APOO: variants seen among roughly 807,000 people sequenced by gnomAD.
The protein encoded by APOO is MICOS complex subunit MIC26.
Under a neutral mutation model 23.1 loss-of-function variants are expected in APOO, and 11 were observed. The observed-to-expected ratio is 0.48, with a 90% CI of 0.30 to 0.79. The LOEUF (loss-of-function observed/expected upper bound fraction) is 0.79, where lower values mean the gene tolerates loss of function less well. Among genes scored for constraint, APOO ranks in the 30% least tolerant of loss-of-function variants. APOO has a pLI of 0.07. For synonymous variants in APOO, 59 were observed against 54.8 expected (o/e 1.08, Z -0.34); for missense variants, 160 against 142.7 (o/e 1.12, Z -0.62).
intron 8 of APOO, 61 bp downstream of exon 8, chrX:23,840,249 AAAC>A: frequency 1.6e-6 from 1 of 642,713 alleles, no homozygotes. Flanking sequence ...AATTAATTAA[AAAC>A]AAGTCATTTC....
Position 23,849,270 on chromosome X carries a change from TG to T in APOO, c.561+7031del, listed in dbSNP as rs750069610. On this transcript the variant is annotated intron_variant, in intron 7 of 8. Transcript: ENST00000379226. ...CCATTTCTATCCCCCAAAGATTCAA[TG>T]GGTCTAGGCATTGAGCATCTACAGC... Among the ~76,000 whole-genome samples, 4 of 108,258 alleles carry T rather than the reference TG, an allele frequency of 3.7e-5. No individual in the cohort carries two copies. In the East Asian group the frequency reaches 1.2e-3, roughly 32 times the overall value. 94.0% of individuals were successfully genotyped at this position (108,258 alleles called of 115,157 possible).
At chrX:23,846,029 G>A (rs952984337) in intron 7 of APOO, among the ~76,000 whole-genome samples, 1 of 111,981 alleles carries the variant, frequency 8.9e-6, no homozygotes, top group East Asian at 2.8e-4. Context: ...TCTAAGCTGG[G>A]TGCGGTGGCT....
intron 7 of APOO, among the ~76,000 whole-genome samples, chrX:23,841,319 G>A (rs2146965700): frequency 9.1e-6 from 1 of 109,389 alleles, no homozygotes; most frequent in Non-Finnish European, 1.9e-5. Flanking sequence ...TTTTATACCC[G>A]TTGTCCCAAC....
At chrX:23,902,793 T>C (rs1325202474) in intron 1 of APOO, among the ~76,000 whole-genome samples, 1 of 111,543 alleles carries the variant, frequency 9.0e-6, no homozygotes, top group Non-Finnish European at 1.9e-5. Flanking sequence ...TACTATTAAC[T>C]CCTTTGCCCT....
chrX:23,865,303 C>T (rs547668260), intron 5 of APOO, among the ~76,000 whole-genome samples: 3 of 110,976 alleles, frequency 2.7e-5, no homozygotes, highest in African/African-American at 9.8e-5. Flanking sequence ...TTAGCAGATA[C>T]GCTCAAGAAA....
At chrX:23,896,915 T>C (rs1167513397) in intron 1 of APOO, among the ~76,000 whole-genome samples, 1 of 109,945 alleles carries the variant, frequency 9.1e-6, no homozygotes, top group African/African-American at 3.3e-5. Context: ...GCGCTGGGAT[T>C]ACAGGTGTGA....
chrX:23,881,018 T>C lies in APOO; in HGVS notation c.10-66A>G, dbSNP rs970519828. ...ACCGAATGTGCAGAACATGAGCATA[T>C]TCATAACCTCAGCCACTCCCCACCC... is the stretch of plus-strand genomic sequence containing the variant. On this transcript the variant is annotated intron_variant, in intron 1 of 8. Transcript: ENST00000379226. 1.4e-5 allele frequency: 10 copies of C among 727,512 alleles called. No individual in the cohort carries two copies. The African/African-American group carries it at 1.7e-4, about 13-fold the overall frequency. The allele number at this position is 727,512 out of a possible 1,213,427, so 60.0% of individuals were successfully genotyped here.
intron 4 of APOO, among the ~76,000 whole-genome samples, chrX:23,872,536 T>C (rs1459822029): frequency 1.9e-5 from 2 of 104,738 alleles, no homozygotes; most frequent in East Asian, 2.9e-4. Context: ...TATATATATA[T>C]ATATATATAA....
At chrX:23,902,770 CTACCAACACCTA>C (rs1253698667) in intron 1 of APOO, among the ~76,000 whole-genome samples, 8 of 111,785 alleles carry the variant, frequency 7.2e-5, no homozygotes, top group African/African-American at 2.6e-4. Context: ...TGTACTTTTA[CTACCAACACCTA>C]TACTATTAAC....
At position 23,886,594 on chromosome X, in the gene APOO, T is replaced by C. The variant is rs756589280; in HGVS notation, c.10-5642A>G. On this transcript the variant is annotated intron_variant, in intron 1 of 8. Transcript: ENST00000379226. ...AAGGAACTGGTATAGATCTGTGTGA[T>C]GGAAACCCATGGGAGGAGCCTTGGT... Among the ~76,000 whole-genome samples, 20 of 111,750 alleles carry C rather than the reference T, an allele frequency of 1.8e-4. No homozygotes were observed. The East Asian group carries it at 5.0e-3, about 28-fold the overall frequency.
At chrX:23,869,640 GAAAAAAAAAAAAAA>G (rs761388017) in intron 4 of APOO, among the ~76,000 whole-genome samples, 4 of 33,933 alleles carry the variant, frequency 1.2e-4, no homozygotes, top group African/African-American at 4.7e-4. Context: ...CTCTTAAAAA[GAAAAAAAAAAAAAA>G]AAAAAAAAAA....
chrX:23,877,078 A>C (rs1014509147), intron 3 of APOO, among the ~76,000 whole-genome samples: 3 of 112,051 alleles, frequency 2.7e-5, no homozygotes, highest in African/African-American at 9.7e-5. Context: ...AAGAAAAGGT[A>C]AAAAACAAAA....
rs141794714 is a variant in APOO at position 23,853,298 on chromosome X, C to T, written c.561+3004G>A. Among the ~76,000 whole-genome samples the T allele has an allele frequency of 3.9e-3, 419 of 108,132 alleles. 18 individuals are homozygous for T. In the East Asian group the frequency reaches 0.11, roughly 29 times the overall value. 93.9% of individuals were successfully genotyped at this position (108,132 alleles called of 115,157 possible). A position where few individuals can be genotyped will look rare whatever the true frequency, so the allele number is the denominator to read the frequency against. On this transcript the variant is annotated intron_variant, in intron 7 of 8. Transcript: ENST00000379226. ...AACCAAAAAATAAAAAACAAAAATCCCCCTGAAGCCCATGAAATCTAAAGT... is the reference window on the plus strand; with the variant it reads ...AACCAAAAAATAAAAAACAAAAATCTCCCTGAAGCCCATGAAATCTAAAGT...
chrX:23,900,911 G>T (rs138432425), intron 1 of APOO, among the ~76,000 whole-genome samples: 1,419 of 111,159 alleles, frequency 0.013, 18 homozygotes, highest in African/African-American at 0.038. Flanking sequence ...TCCTCAAGAA[G>T]AATTCCCTTG....
intron 1 of APOO, among the ~76,000 whole-genome samples, chrX:23,888,213 T>G (rs1230811514): frequency 5.3e-5 from 6 of 112,286 alleles, no homozygotes; most frequent in East Asian, 5.6e-4. Flanking sequence ...CAACCAGTAT[T>G]GGTGTTGGGT....
intron 5 of APOO, among the ~76,000 whole-genome samples, chrX:23,861,115 G>T (rs997457734): frequency 9.0e-6 from 1 of 111,156 alleles, no homozygotes; most frequent in African/African-American, 3.3e-5. Flanking sequence ...ACTCCAGCCT[G>T]GGTGATAATT....
intron 1 of APOO, 85 bp from the exon 2 acceptor site, chrX:23,881,037 C>G: frequency 1.9e-6 from 1 of 518,687 alleles, no homozygotes; most frequent in Non-Finnish European, 2.9e-6. Context: ...TCAGCCACTC[C>G]CCACCCTGAA....
At chrX:23,865,819 T>A (rs1173111246) in intron 5 of APOO, among the ~76,000 whole-genome samples, 1 of 111,458 alleles carries the variant, frequency 9.0e-6, no homozygotes, top group Non-Finnish European at 1.9e-5. Flanking sequence ...AGACCTGCTA[T>A]TGCACATGTG....
chrX:23,890,781 A>T lies in APOO; in HGVS notation c.10-9829T>A, dbSNP rs537957699. ...GATGTTTGGTAGGTTAGGTGTGTTAATTTTTGACTTAATGATATTTTCAAC... is the reference window on the plus strand; with the variant it reads ...GATGTTTGGTAGGTTAGGTGTGTTATTTTTTGACTTAATGATATTTTCAAC... On this transcript the variant is annotated intron_variant, in intron 1 of 8. Coordinates refer to ENST00000379226, the MANE Select transcript of APOO (RefSeq NM_024122.5). Among the ~76,000 whole-genome samples the T allele has an allele frequency of 7.2e-5, 8 of 111,813 alleles. 1 individual carries two copies. The South Asian group carries it at 3.0e-3, about 42-fold the overall frequency.
Sources: allele counts gnomAD v4.1 joint callset (sites outside exome capture counted in the v4.1 genomes callset), GRCh38; gene constraint gnomAD v4.1.1; transcripts MANE v1.5; gene names NCBI Gene and HGNC (gene_info 2026-07-23, HGNC 2026-07-21).